The following GPHN variants were observed in gnomAD, a reference collection of about 807,000 sequenced individuals.
GPHN encodes gephyrin.
GPHN carries 17 observed loss-of-function variants against 95.5 expected under a neutral mutation model. The ratio of observed to expected loss-of-function variants is 0.18; its 90% CI spans 0.12 to 0.27. GPHN has a LOEUF of 0.27. Among genes scored for constraint, GPHN ranks in the 10% least tolerant of loss-of-function variants. The pLI, the probability that GPHN is intolerant of heterozygous loss-of-function variation, is 1.00. For missense variants in GPHN, 660 were observed against 978.1 expected (o/e 0.67, Z 4.34); for synonymous variants, 320 against 322.5 (o/e 0.99, Z 0.08).
intron 8 of GPHN, among the ~76,000 whole-genome samples, chr14:66,940,499 A>G (rs764173218): frequency 6.6e-6 from 1 of 152,154 alleles, no homozygotes; most frequent in Non-Finnish European, 1.5e-5. Context: ...GCTTTCACCC[A>G]TGTTAACAGG....
chr14:67,394,339 T>C, the GPHN span, among the ~76,000 whole-genome samples: 1 of 151,898 alleles, frequency 6.6e-6, no homozygotes, highest in Admixed American at 6.6e-5. Flanking sequence ...AAGGCTGCAG[T>C]GAGCCATGAT....
intron 1 of GPHN, among the ~76,000 whole-genome samples, chr14:66,596,344 GAGGTTTCACC>G (rs1252772910): frequency 1.3e-5 from 2 of 152,078 alleles, no homozygotes; most frequent in Non-Finnish European, 2.9e-5. Flanking sequence ...ACCTGAAGAT[GAGGTTTCACC>G]AGGTACCTGC....
At chr14:66,724,570 A>C (rs745688327) in intron 2 of GPHN, among the ~76,000 whole-genome samples, 1 of 152,124 alleles carries the variant, frequency 6.6e-6, no homozygotes, top group Non-Finnish European at 1.5e-5. Context: ...GGGATGCAGG[A>C]GGTAGGGGCT....
At chr14:67,368,668 T>A in the GPHN span, among the ~76,000 whole-genome samples, 1 of 151,978 alleles carries the variant, frequency 6.6e-6, no homozygotes, top group African/African-American at 2.4e-5. Context: ...TAACGATTCT[T>A]ACATTTTATG....
chr14:67,394,663 C>A, the GPHN span, among the ~76,000 whole-genome samples: 3 of 151,974 alleles, frequency 2.0e-5, no homozygotes, highest in East Asian at 5.8e-4. Flanking sequence ...AGTTCTTTTG[C>A]CTGGGAGGTT....
At chr14:66,633,420 A>T (rs146644797) in intron 1 of GPHN, among the ~76,000 whole-genome samples, 1 of 152,230 alleles carries the variant, frequency 6.6e-6, no homozygotes, top group Non-Finnish European at 1.5e-5. Context: ...CCAAACTTCA[A>T]CCTTATATAA....
chr14:66,600,060 C>T (rs191566696), intron 1 of GPHN, among the ~76,000 whole-genome samples: 1 of 151,902 alleles, frequency 6.6e-6, no homozygotes, highest in Admixed American at 6.6e-5. Context: ...GGCATGTACC[C>T]CTCTTTCAAA....
chr14:66,908,054 A>G (rs147963357), intron 5 of GPHN, among the ~76,000 whole-genome samples: 1 of 152,214 alleles, frequency 6.6e-6, no homozygotes, highest in East Asian at 1.9e-4. Flanking sequence ...AGGTTAGTTT[A>G]CACACGTATT....
the GPHN span, among the ~76,000 whole-genome samples, chr14:67,348,076 A>AT: frequency 9.9e-4 from 139 of 140,076 alleles, no homozygotes; most frequent in Middle Eastern, 3.8e-3. Context: ...TGCCCAGCTA[A>AT]TTTTTTTTTT....
the GPHN span, chr14:67,316,908 GAC>G: frequency 4.2e-5 from 67 of 1,607,544 alleles, no homozygotes; most frequent in Non-Finnish European, 5.5e-5. Context: ...AATCAGGTTA[GAC>G]ACTTGTATTT....
intron 2 of GPHN, among the ~76,000 whole-genome samples, chr14:66,700,086 G>A (rs988276113): frequency 3.3e-5 from 5 of 152,212 alleles, no homozygotes; most frequent in African/African-American, 9.6e-5. Context: ...TATTCAACAT[G>A]ATATAAATGT....
At chr14:67,045,489 G>T (rs2153638764) in intron 10 of GPHN, among the ~76,000 whole-genome samples, 1 of 147,388 alleles carries the variant, frequency 6.8e-6, no homozygotes, top group South Asian at 2.2e-4. Context: ...CTCTCTGTGT[G>T]TGTCTGTCTT....
chr14:67,695,827 G>T, the GPHN span: 1 of 870,040 alleles, frequency 1.1e-6, no homozygotes, highest in Non-Finnish European at 1.8e-6. Flanking sequence ...TCTGGGAAAT[G>T]TAGTCCAGAG....
the GPHN span, chr14:67,559,484 T>G: frequency 1.6e-6 from 1 of 644,652 alleles, no homozygotes; most frequent in Non-Finnish European, 2.8e-6. Context: ...ACAAACGATT[T>G]CTGCTCACTG....
chr14:66,872,976 A>T (rs1215027225), intron 4 of GPHN, among the ~76,000 whole-genome samples: 1 of 152,166 alleles, frequency 6.6e-6, no homozygotes, highest in Non-Finnish European at 1.5e-5. Flanking sequence ...TATTTAAAAA[A>T]GACGGTTGGG....
intron 2 of GPHN, among the ~76,000 whole-genome samples, chr14:66,730,480 G>A (rs992174556): frequency 2.8e-4 from 43 of 152,248 alleles, no homozygotes; most frequent in Middle Eastern, 6.8e-3. Context: ...AGAAATAAAA[G>A]TTCTCATATT....
At chr14:66,705,760 C>T (rs1268428633) in intron 2 of GPHN, among the ~76,000 whole-genome samples, 1 of 152,142 alleles carries the variant, frequency 6.6e-6, no homozygotes, top group South Asian at 2.1e-4. Flanking sequence ...TGGTACAAGA[C>T]AAGGATGCCC....
At chr14:67,381,780 A>G in the GPHN span, 6 of 885,554 alleles carry the variant, frequency 6.8e-6, no homozygotes, top group Non-Finnish European at 1.0e-5. Context: ...TTTTTTAATC[A>G]CATTTCATAA....
chr14:67,064,899 A>AT lies in GPHN; in HGVS notation c.1144+6119dup, dbSNP rs1276693015. Among the ~76,000 whole-genome samples, 24 of 152,100 alleles carry AT rather than the reference A, an allele frequency of 1.6e-4. 1 individual carries two copies. The East Asian group carries it at 4.4e-3, about 28-fold the overall frequency. ...CAAAAACCAGCTCCTGGATTCATTG[A>AT]TTTTTTGAAGGGTTTTTCGTGTCTC... On this transcript the variant is annotated intron_variant, in intron 11 of 22. Coordinates refer to ENST00000478722, the MANE Select transcript of GPHN (RefSeq NM_020806.5).
Sources: allele counts gnomAD v4.1 joint callset (sites outside exome capture counted in the v4.1 genomes callset), GRCh38; gene constraint gnomAD v4.1.1; transcripts MANE v1.5; gene names NCBI Gene and HGNC (gene_info 2026-07-23, HGNC 2026-07-21).